The following PTPRD variants were observed in gnomAD, a reference collection of about 807,000 sequenced individuals.
PTPRD encodes the protein protein tyrosine phosphatase receptor type D, also known as receptor-type tyrosine-protein phosphatase delta.
PTPRD carries 34 observed loss-of-function variants against 214.5 expected under a neutral mutation model. The observed-to-expected ratio is 0.16, with a 90% CI of 0.12 to 0.21. The LOEUF (loss-of-function observed/expected upper bound fraction) is 0.21, where lower values mean the gene tolerates loss of function less well. Ranked by LOEUF, PTPRD falls within the 10% of genes least tolerant of loss-of-function variation. PTPRD has a pLI of 1.00. For missense variants in PTPRD, 2,545 were observed against 2,398.7 expected (o/e 1.06, Z -1.27); for synonymous variants, 1,128 against 845.7 (o/e 1.33, Z -5.79).
At chr9:10,370,205 G>T (rs991637918) in intron 2 of PTPRD, among the ~76,000 whole-genome samples, 7 of 152,000 alleles carry the variant, frequency 4.6e-5, no homozygotes, top group Non-Finnish European at 1.0e-4. Flanking sequence ...TATTTTCACA[G>T]TTCTTATGTT....
intron 8 of PTPRD, among the ~76,000 whole-genome samples, chr9:9,445,472 G>C (rs558513584): frequency 9.9e-5 from 15 of 152,256 alleles, no homozygotes; most frequent in African/African-American, 3.1e-4. Flanking sequence ...GCTCGGGACT[G>C]GATAATTCAT....
chr9:8,932,143 C>T (rs113094485), intron 11 of PTPRD, among the ~76,000 whole-genome samples: 37,868 of 151,910 alleles, frequency 0.25, 5,796 homozygotes, highest in Middle Eastern at 0.34. Context: ...AAGGGTTTTT[C>T]GTGTCTGTAT....
chr9:10,152,052 C>A (rs2099064590), intron 3 of PTPRD, among the ~76,000 whole-genome samples: 1 of 152,092 alleles, frequency 6.6e-6, no homozygotes, highest in South Asian at 2.1e-4. Flanking sequence ...TTCATAAATA[C>A]CTAGGGTTGG....
At chr9:9,378,943 A>G (rs1169523521) in intron 9 of PTPRD, among the ~76,000 whole-genome samples, 1 of 151,540 alleles carries the variant, frequency 6.6e-6, no homozygotes, top group Non-Finnish European at 1.5e-5. Context: ...TTCTTTTTCC[A>G]TTCTGTGGCT....
At chr9:10,166,589 A>G (rs2099160626) in intron 3 of PTPRD, among the ~76,000 whole-genome samples, 1 of 151,964 alleles carries the variant, frequency 6.6e-6, no homozygotes. Context: ...GAATTTCTCA[A>G]TTTATTCATG....
intron 9 of PTPRD, among the ~76,000 whole-genome samples, chr9:9,304,753 G>C (rs1956574606): frequency 6.6e-6 from 1 of 151,156 alleles, no homozygotes; most frequent in Non-Finnish European, 1.5e-5. Context: ...TGGAGAATAA[G>C]CCTGGCTGCT....
Position 10,282,940 on chromosome 9 carries a change from T to C in PTPRD, c.-545+58023A>G, listed in dbSNP as rs182464225. ...CTCTCATTTCTATCTGTCTATCACA[T>C]AGCACCTTCAAACTCAATTTGTTCA... On this transcript the variant is annotated intron_variant, in intron 3 of 45. Coordinates refer to ENST00000381196, the MANE Select transcript of PTPRD (RefSeq NM_002839.4). Among the ~76,000 whole-genome samples the C allele has an allele frequency of 5.9e-5, 9 of 152,280 alleles. No homozygotes were observed. In the East Asian group the frequency reaches 9.7e-4, roughly 16 times the overall value.
intron 10 of PTPRD, among the ~76,000 whole-genome samples, chr9:9,088,349 A>T (rs1020667894): frequency 1.3e-5 from 2 of 151,596 alleles, no homozygotes; most frequent in East Asian, 2.0e-4. Context: ...GCACTTTGGG[A>T]GGCCGAGGCA....
At chr9:9,406,411 T>TA (rs2073383002) in intron 8 of PTPRD, among the ~76,000 whole-genome samples, 2 of 152,012 alleles carry the variant, frequency 1.3e-5, no homozygotes, top group South Asian at 4.1e-4. Context: ...GATAGAAGAA[T>TA]ACTACATGGT....
At chr9:9,523,381 G>C (rs1435219539) in intron 8 of PTPRD, among the ~76,000 whole-genome samples, 1 of 151,970 alleles carries the variant, frequency 6.6e-6, no homozygotes, top group Non-Finnish European at 1.5e-5. Flanking sequence ...GGGAGATATT[G>C]GGTTTAATTT....
chr9:9,242,590 T>A (rs4376544), intron 9 of PTPRD, among the ~76,000 whole-genome samples: 1 of 151,896 alleles, frequency 6.6e-6, no homozygotes, highest in African/African-American at 2.4e-5. Flanking sequence ...TTTCATTCAT[T>A]TGATCTTCCA....
intron 22 of PTPRD, among the ~76,000 whole-genome samples, chr9:8,506,215 T>C (rs973104376): frequency 1.3e-5 from 2 of 152,226 alleles, no homozygotes; most frequent in African/African-American, 4.8e-5. Context: ...ATATTCTTTA[T>C]TAGAACACAG....
chr9:8,407,201 A>C (rs182517571), intron 35 of PTPRD, among the ~76,000 whole-genome samples: 13 of 152,308 alleles, frequency 8.5e-5, no homozygotes, highest in Admixed American at 8.5e-4. Flanking sequence ...GGCCCATGAG[A>C]TGAAGACCAA....
At chr9:9,088,777 A>T (rs891272840) in intron 10 of PTPRD, among the ~76,000 whole-genome samples, 2 of 151,998 alleles carry the variant, frequency 1.3e-5, no homozygotes, top group African/African-American at 2.4e-5. Flanking sequence ...GAAAGAACTT[A>T]TGCCTGTGAG....
At chr9:9,414,755 G>A (rs992550402) in intron 8 of PTPRD, 1 of 152,182 alleles carries the variant, frequency 6.6e-6, no homozygotes, top group African/African-American at 2.4e-5. Context: ...TACTTACCAG[G>A]TAGCTATCAT....
intron 11 of PTPRD, among the ~76,000 whole-genome samples, chr9:8,851,810 C>G (rs963383259): frequency 3.3e-5 from 5 of 152,026 alleles, no homozygotes; most frequent in African/African-American, 1.2e-4. Flanking sequence ...TCCGAGAGCT[C>G]ACAGATAATA....
intron 8 of PTPRD, among the ~76,000 whole-genome samples, chr9:9,480,384 AT>A (rs1288544564): frequency 6.6e-6 from 1 of 152,186 alleles, no homozygotes; most frequent in Non-Finnish European, 1.5e-5. Flanking sequence ...CTGAAAGCAT[AT>A]TTGAAATATA....
intron 2 of PTPRD, among the ~76,000 whole-genome samples, chr9:10,547,126 C>A (rs1309470668): frequency 1.3e-5 from 2 of 152,070 alleles, no homozygotes; most frequent in African/African-American, 2.4e-5. Flanking sequence ...CAACCTATAA[C>A]ATACCTCAAT....
intron 3 of PTPRD, among the ~76,000 whole-genome samples, chr9:10,188,291 A>T (rs1359041992): frequency 1.3e-5 from 2 of 152,170 alleles, no homozygotes; most frequent in Admixed American, 6.5e-5. Flanking sequence ...AACTCATGAA[A>T]GCATGGTAAT....
Sources: allele counts gnomAD v4.1 joint callset (sites outside exome capture counted in the v4.1 genomes callset), GRCh38; gene constraint gnomAD v4.1.1; transcripts MANE v1.5; gene names NCBI Gene and HGNC (gene_info 2026-07-23, HGNC 2026-07-21).